SUGP2: variants seen among roughly 807,000 people sequenced by gnomAD.
SUGP2 encodes SURP and G-patch domain-containing protein 2.
Under a neutral mutation model 90.5 loss-of-function variants are expected in SUGP2, and 24 were observed. The observed-to-expected ratio is 0.27, with a 90% CI of 0.19 to 0.37. SUGP2 has a LOEUF of 0.37. SUGP2 is among the 10% of genes least tolerant of loss of function. The pLI is 1.00. For synonymous variants in SUGP2, 473 were observed against 513.4 expected, an observed-to-expected ratio of 0.92 and a Z score of 1.06; for missense variants, 1,233 against 1,363.3, an observed-to-expected ratio of 0.90 and a Z score of 1.51.
Position 19,025,853 on chromosome 19 carries a change from A to C in SUGP2, c.495T>G (p.Gly165=). The change falls in exon 3 of 11, where the codon GGT becomes GGG. Residue 165 remains glycine, a synonymous_variant. Coordinates refer to ENST00000452918, the MANE Select transcript of SUGP2 (RefSeq NM_001017392.5). ...CAAAGTCCCCCAAAACTGCAGAGGG[A>C]CCAAAACTATACTCCTGTGACCAAG... ...ESSWSQEYSF[G]PSAVLGDFGS... 1.2e-6 allele frequency: 2 copies of C among 1,614,112 alleles called. No individual in the cohort carries two copies. Among genetic ancestry groups the C allele is most frequent in the Non-Finnish European group, 1.7e-6 (2 of 1,180,022 alleles).
intron 2 of SUGP2, among the ~76,000 whole-genome samples, chr19:19,029,064 G>A (rs547392521): frequency 1.1e-4 from 17 of 152,094 alleles, no homozygotes; most frequent in African/African-American, 4.1e-4. Flanking sequence ...CTGCAGCCTC[G>A]ACTTCCTGGG....
chr19:18,998,316 T>C (rs1007136740), intron 8 of SUGP2, among the ~76,000 whole-genome samples: 5 of 152,248 alleles, frequency 3.3e-5, no homozygotes, highest in Non-Finnish European at 2.9e-5. Flanking sequence ...AGACAGGATC[T>C]TGCTCTGTCA....
intron 8 of SUGP2, 98 bp from the exon 9 acceptor site, chr19:18,995,378 C>T (rs1353384757): frequency 3.0e-6 from 4 of 1,351,416 alleles, no homozygotes; most frequent in Non-Finnish European, 2.9e-6. Flanking sequence ...CCCCCAAATG[C>T]CCTCCTGACT....
intron 9 of SUGP2, chr19:18,994,858 G>A (rs1212396572): frequency 1.4e-5 from 8 of 556,024 alleles, no homozygotes; most frequent in Admixed American, 3.2e-5. Flanking sequence ...AGTTCCAGAC[G>A]GAAACTACAC....
intron 4 of SUGP2, among the ~76,000 whole-genome samples, chr19:19,011,919 A>G (rs2058327352): frequency 6.6e-6 from 1 of 152,214 alleles, no homozygotes; most frequent in South Asian, 2.1e-4. Flanking sequence ...AAAGAAGAAT[A>G]TTGCTTAGTA....
At chr19:19,011,347 C>T (rs539393507) in intron 4 of SUGP2, among the ~76,000 whole-genome samples, 2 of 151,844 alleles carry the variant, frequency 1.3e-5, no homozygotes, top group African/African-American at 4.8e-5. Context: ...GACATTTCAC[C>T]ATGTTGCCTA....
rs1390436916 is a variant in SUGP2 at position 19,009,873 on chromosome 19, G to T, written c.2320C>A (p.Pro774Thr). ...CACCCACTGTCAGCAGATGGGCAGG[G>T]AGAAGAGGTCTGAGGTGCTTCAGAG... The part of the protein sequence containing the change: ...DISEAPQTSS[P>T]CPSADIDMKT... The change falls in exon 5 of 11, where the codon CCC becomes ACC. Residue 774 changes from proline (P) to threonine (T), a missense_variant. By Grantham distance (38) the Pro-to-Thr change is conservative. Around this residue, in one of 8 missense-constraint regions of SUGP2, gnomAD observed 540 missense variants for 542.6 expected, o/e 1.00. Coordinates refer to ENST00000452918, the MANE Select transcript of SUGP2 (RefSeq NM_001017392.5). The T allele has an allele frequency of 1.2e-6, 2 of 1,609,548 alleles. No individual in the cohort carries two copies. Among genetic ancestry groups the T allele is most frequent in the South Asian group, 2.2e-5 (2 of 90,824 alleles).
intron 4 of SUGP2, 139 bp downstream of exon 4, chr19:19,018,970 G>A: frequency 1.0e-6 from 1 of 984,490 alleles, no homozygotes; most frequent in Admixed American, 2.6e-5. Flanking sequence ...ATAAATCTGA[G>A]CCACCCTCAT....
At chr19:18,999,229 G>A (rs1755336096) in intron 8 of SUGP2, among the ~76,000 whole-genome samples, 1 of 152,186 alleles carries the variant, frequency 6.6e-6, no homozygotes, top group South Asian at 2.1e-4. Flanking sequence ...GTGGAGGTTT[G>A]CAGAGGAAAG....
chr19:18,997,349 G>C (rs1279441526), intron 8 of SUGP2, among the ~76,000 whole-genome samples: 5 of 152,028 alleles, frequency 3.3e-5, no homozygotes, highest in Admixed American at 6.6e-5. Context: ...GGGAGGGAGG[G>C]AGGAGAGAGC....
chr19:19,008,473 G>T, intron 5 of SUGP2, 45 bp from the exon 6 acceptor site: 1 of 1,480,804 alleles, frequency 6.8e-7, no homozygotes, highest in Non-Finnish European at 9.4e-7. Flanking sequence ...CTGAGCTGCT[G>T]CTCCCCGTGT....
chr19:19,020,816 C>A (rs1168749913), intron 3 of SUGP2, among the ~76,000 whole-genome samples: 1 of 152,046 alleles, frequency 6.6e-6, no homozygotes, highest in East Asian at 1.9e-4. Flanking sequence ...GAACATGTTT[C>A]TTCGAATGGT....
intron 4 of SUGP2, among the ~76,000 whole-genome samples, chr19:19,018,366 C>T (rs1224196513): frequency 6.7e-6 from 1 of 150,158 alleles, no homozygotes; most frequent in Non-Finnish European, 1.5e-5. Flanking sequence ...TAAGAAAGTA[C>T]TATATTTAGG....
At chr19:19,009,589 C>T (rs1283066023) in intron 5 of SUGP2, among the ~76,000 whole-genome samples, 2 of 152,186 alleles carry the variant, frequency 1.3e-5, no homozygotes, top group African/African-American at 2.4e-5. Flanking sequence ...AGCAGCAGGA[C>T]CCTGTCGGGG....
intron 6 of SUGP2, 107 bp from the exon 7 acceptor site, chr19:19,004,753 AAAG>A: frequency 1.1e-6 from 1 of 923,012 alleles, no homozygotes; most frequent in South Asian, 1.6e-5. Context: ...GGGACAAGGG[AAAG>A]AATAACCTGA....
chr19:19,027,345 T>C lies in SUGP2; in HGVS notation c.122-1119A>G, dbSNP rs555051415. On this transcript the variant is annotated intron_variant, in intron 2 of 10. Transcript: ENST00000452918. ...AAGGAGAGGTGCCAGGAGGTAGCAA[T>C]AGGTTAAGAGGCCACAGGAAGCCAA... Among the ~76,000 whole-genome samples the C allele has an allele frequency of 1.1e-4, 16 of 151,886 alleles. No individual in the cohort carries two copies. The South Asian group carries it at 2.3e-3, about 22-fold the overall frequency.
chr19:19,030,185 A>G (rs985304880), intron 2 of SUGP2, among the ~76,000 whole-genome samples: 3 of 151,980 alleles, frequency 2.0e-5, no homozygotes, highest in African/African-American at 7.2e-5. Context: ...CAAAAACATA[A>G]AAAACACCAA....
intron 3 of SUGP2, among the ~76,000 whole-genome samples, chr19:19,022,017 GC>G (rs1568443913): frequency 6.6e-6 from 1 of 151,026 alleles, no homozygotes; most frequent in Non-Finnish European, 1.5e-5. Flanking sequence ...ACAGAGTCTC[GC>G]TCTGTCGCCA....
chr19:19,025,639 C>G lies in SUGP2; in HGVS notation c.709G>C (p.Ala237Pro). The change falls in exon 3 of 11, where the codon GCT (alanine) becomes CCT (proline). Residue 237 changes from alanine to proline, a missense_variant. Physicochemically the swap from Ala to Pro is conservative, Grantham distance 27 (BLOSUM62 -1). Coordinates refer to ENST00000452918, the MANE Select transcript of SUGP2 (RefSeq NM_001017392.5). ...ACAAGTTTCCCAACACCCCCCTTAGCTGTGAGCAGGCCCTGAGTCTCCCCC... is the reference window on the plus strand; with the variant it reads ...ACAAGTTTCCCAACACCCCCCTTAGGTGTGAGCAGGCCCTGAGTCTCCCCC... ...GKGETQGLLT[A>P]KGGVGKLVTL... 6.2e-7 allele frequency: 1 copy of G among 1,614,080 alleles called. No individual in the cohort carries two copies. Among genetic ancestry groups the G allele is most frequent in the Non-Finnish European group, 8.5e-7 (1 of 1,180,010 alleles).
Sources: gnomAD v4.1 joint callset for allele counts (sites outside exome capture counted in the v4.1 genomes callset) on GRCh38, gnomAD v4.1.1 for gene constraint, gnomAD v4.1.1 regional missense constraint, MANE v1.5 for transcripts, NCBI Gene and HGNC (gene_info 2026-07-23, HGNC 2026-07-21) for gene names.